FREM3: variants seen among roughly 807,000 people sequenced by gnomAD.
FREM3 encodes the protein FRAS1 related extracellular matrix 3, also known as FRAS1-related extracellular matrix protein 3.
A neutral mutation model predicts 129.1 loss-of-function variants in FREM3; 105 were observed. The observed-to-expected ratio is 0.81, with a 90% confidence interval of 0.69 to 0.96. The LOEUF is 0.96. Ranked by LOEUF, FREM3 falls within the 40% of genes least tolerant of loss-of-function variation. The probability of loss-of-function intolerance (pLI) is 0.00; values close to 1 mark genes in which losing one functional copy is unlikely to be tolerated. For synonymous variants in FREM3, 1,014 were observed against 1,044.9 expected (o/e 0.97, Z 0.57); for missense variants, 2,593 against 2,666.3 (o/e 0.97, Z 0.61).
Position 143,695,417 on chromosome 4 carries a change from A to C in FREM3, c.5185+74T>G. 4 of 1,306,196 alleles carry C rather than the reference A, an allele frequency of 3.1e-6. No individual in the cohort carries two copies. The South Asian group carries it at 6.2e-5, about 20-fold the overall frequency. 80.9% of individuals were successfully genotyped at this position (1,306,196 alleles called of 1,614,324 possible). On this transcript the variant is annotated intron_variant, in intron 1 of 7. Transcript: ENST00000329798. Reference sequence around the variant, plus strand: ...ACTGCAAATGGCTGAGATCAGGACAATTTTACACAAAGCTGAGAGATCTGA... The same window carrying C: ...ACTGCAAATGGCTGAGATCAGGACACTTTTACACAAAGCTGAGAGATCTGA...
intron 2 of FREM3, among the ~76,000 whole-genome samples, chr4:143,658,583 T>C (rs745493107): frequency 4.6e-5 from 7 of 152,260 alleles, no homozygotes; most frequent in Non-Finnish European, 7.3e-5. Context: ...GTCCTTAGGA[T>C]GAAGTCTATC....
At chr4:143,657,886 A>G (rs1739630008) in intron 2 of FREM3, among the ~76,000 whole-genome samples, 1 of 152,074 alleles carries the variant, frequency 6.6e-6, no homozygotes, top group Non-Finnish European at 1.5e-5. Context: ...CCCAGTGCCC[A>G]TGCCAGAAAT....
At chr4:143,666,113 T>C (rs892366332) in intron 2 of FREM3, among the ~76,000 whole-genome samples, 1 of 152,088 alleles carries the variant, frequency 6.6e-6, no homozygotes, top group Non-Finnish European at 1.5e-5. Context: ...TATTTTGTCT[T>C]AGATAAAATA....
chr4:143,678,679 A>G (rs1385191598), intron 2 of FREM3, among the ~76,000 whole-genome samples: 1 of 152,122 alleles, frequency 6.6e-6, no homozygotes, highest in Non-Finnish European at 1.5e-5. Context: ...AAAGTATGCA[A>G]GTATGTACCA....
intron 6 of FREM3, among the ~76,000 whole-genome samples, chr4:143,593,065 G>T (rs10034751): frequency 6.6e-6 from 1 of 151,876 alleles, no homozygotes; most frequent in Non-Finnish European, 1.5e-5. Context: ...TCACATTCTC[G>T]TGCTGTGGTT....
At position 143,697,610 on chromosome 4, in the gene FREM3, A is replaced by T; in HGVS notation, c.3066T>A (p.Thr1022=). The change falls in exon 1 of 8, where the codon ACT becomes ACA. Residue 1022 remains threonine, a synonymous_variant. Transcript: ENST00000329798. The stretch of plus-strand genomic sequence containing the variant: ...GCTTTTGAAAACCAACTTCACCTGC[A>T]GTGTGGGCATAGGCTACTCTCCCAT... ...LINGRVAYAH[T]AGEVGFQKQH... The T allele has an allele frequency of 6.5e-7, 1 of 1,537,804 alleles. No homozygotes were observed. Among genetic ancestry groups the T allele is most frequent in the Non-Finnish European group, 8.7e-7 (1 of 1,147,040 alleles).
chr4:143,611,266 CAA>C lies in FREM3; in HGVS notation c.6028+11_6028+12del. The C allele has an allele frequency of 6.5e-7, 1 of 1,530,382 alleles. No individual in the cohort carries two copies. Among genetic ancestry groups the C allele is most frequent in the Admixed American group, 2.0e-5 (1 of 50,890 alleles). 94.8% of individuals were successfully genotyped at this position (1,530,382 alleles called of 1,614,324 possible). A position where few individuals can be genotyped will look rare whatever the true frequency, so the allele number is the denominator to read the frequency against. ...GCTATTGCCAAAGGTTGGAAAGCAA[CAA>C]ATGGACTTACCATCATAACGATCAG... On this transcript the variant is annotated intron_variant, in intron 6 of 7. Transcript: ENST00000329798.
chr4:143,586,011 G>T lies in FREM3; in HGVS notation c.6029-18C>A. 6.5e-7 allele frequency: 1 copy of T among 1,537,164 alleles called. No homozygotes were observed. The highest frequency in any genetic ancestry group is 1.2e-5 in the South Asian group (1 of 84,016). On this transcript the variant is annotated intron_variant, in intron 6 of 7. Transcript: ENST00000329798. The stretch of plus-strand genomic sequence containing the variant: ...GACAGGTTCTAAAGAGGCAAAAAAA[G>T]ATACACTAAGAATGCTTCAGCCTGC...
At chr4:143,669,855 T>G (rs530747618) in intron 2 of FREM3, among the ~76,000 whole-genome samples, 8 of 152,176 alleles carry the variant, frequency 5.3e-5, no homozygotes, top group Non-Finnish European at 1.0e-4. Flanking sequence ...TGCAGGTTTG[T>G]TACATGGGTA....
intron 4 of FREM3, 63 bp downstream of exon 4, chr4:143,624,045 A>T: frequency 1.1e-6 from 1 of 916,658 alleles, no homozygotes; most frequent in Non-Finnish European, 1.7e-6. Context: ...GGAAGTATGA[A>T]TGCTGGAAAT....
At chr4:143,597,823 C>A (rs1434396672) in intron 6 of FREM3, among the ~76,000 whole-genome samples, 1 of 152,180 alleles carries the variant, frequency 6.6e-6, no homozygotes, top group Non-Finnish European at 1.5e-5. Flanking sequence ...ATCCATTCTA[C>A]TGAAGGCAAT....
At chr4:143,599,445 G>A (rs963007993) in intron 6 of FREM3, among the ~76,000 whole-genome samples, 6 of 152,172 alleles carry the variant, frequency 3.9e-5, no homozygotes, top group Admixed American at 6.5e-5. Context: ...AAAATGAAGA[G>A]GTTGAACTAG....
intron 2 of FREM3, among the ~76,000 whole-genome samples, chr4:143,679,334 G>A (rs992123575): frequency 2.6e-5 from 4 of 152,118 alleles, no homozygotes; most frequent in Non-Finnish European, 5.9e-5. Context: ...TTCTAAGACT[G>A]ATTCAATCTT....
At position 143,577,712 on chromosome 4, in the gene FREM3, T is replaced by A. The variant is rs78975662; in HGVS notation, c.6319A>T (p.Met2107Leu). 1.1e-3 allele frequency: 1,672 copies of A among 1,537,308 alleles called. 23 individuals are homozygous for A. The African/African-American group carries it at 0.02, about 19-fold the overall frequency. The change falls in exon 8 of 8, where the codon ATG becomes TTG. Residue 2107 changes from methionine to leucine, a missense_variant. Around this residue, in one of 2 missense-constraint regions of FREM3, gnomAD observed 317 missense variants for 399.0 expected, o/e 0.79. Coordinates refer to ENST00000329798, the MANE Select transcript of FREM3 (RefSeq NM_001168235.2). The stretch of plus-strand genomic sequence containing the variant: ...TCTCCAAGCACTGCACCCATAGGCA[T>A]CTGAAGAAGTAATTCAAACTTCTCT... ...GPEKFELLLQ[M>L]PMGAVLGEPN...
At chr4:143,692,601 G>A (rs759101749) in intron 2 of FREM3, among the ~76,000 whole-genome samples, 2 of 152,144 alleles carry the variant, frequency 1.3e-5, no homozygotes, top group Non-Finnish European at 2.9e-5. Flanking sequence ...AGACCAAGCT[G>A]CAGCATAAAC....
chr4:143,643,365 G>A (rs551709220), intron 2 of FREM3, among the ~76,000 whole-genome samples: 45 of 152,172 alleles, frequency 3.0e-4, no homozygotes, highest in African/African-American at 9.4e-4. Context: ...TTGGATCAGT[G>A]TAAGTGTCCC....
At chr4:143,586,111 G>T in intron 6 of FREM3, 118 bp from the exon 7 acceptor site, 1 of 1,011,696 alleles carries the variant, frequency 9.9e-7, no homozygotes, top group Non-Finnish European at 1.4e-6. Flanking sequence ...AGATCCCATA[G>T]GTCTTGTTTT....
chr4:143,676,070 C>T (rs150387399), intron 2 of FREM3, among the ~76,000 whole-genome samples: 2,162 of 152,290 alleles, frequency 0.014, 56 homozygotes, highest in African/African-American at 0.049. Flanking sequence ...ATACCAAAGT[C>T]TGGCAGAGAC....
At chr4:143,583,857 CTT>C (rs1212800920) in intron 7 of FREM3, among the ~76,000 whole-genome samples, 7 of 152,182 alleles carry the variant, frequency 4.6e-5, no homozygotes, top group Non-Finnish European at 1.0e-4. Context: ...CAAAAACACA[CTT>C]AAGTACATAG....
Sources: allele counts gnomAD v4.1 joint callset (sites outside exome capture counted in the v4.1 genomes callset), GRCh38; gene constraint gnomAD v4.1.1; regional missense constraint gnomAD v4.1.1; transcripts MANE v1.5; gene names NCBI Gene and HGNC (gene_info 2026-07-23, HGNC 2026-07-21).